CDH8: variants seen among roughly 807,000 people sequenced by gnomAD.
CDH8 encodes cadherin 8, also known as cadherin-8.
A neutral mutation model predicts 68.1 loss-of-function variants in CDH8; 17 were observed. The ratio of observed to expected loss-of-function variants is 0.25; its 90% confidence interval spans 0.17 to 0.37. The LOEUF is 0.37. Ranked by LOEUF, CDH8 falls within the 10% of genes least tolerant of loss-of-function variation. The probability of loss-of-function intolerance (pLI) is 1.00; values close to 1 mark genes in which losing one functional copy is unlikely to be tolerated. For missense variants in CDH8, 763 were observed against 999.3 expected (o/e 0.76, Z 3.19); for synonymous variants, 372 against 365.1 (o/e 1.02, Z -0.21).
chr16:61,747,248 T>C (rs1960046761), intron 8 of CDH8, among the ~76,000 whole-genome samples: 1 of 152,102 alleles, frequency 6.6e-6, no homozygotes, highest in Admixed American at 6.6e-5. Flanking sequence ...AATATGCAAA[T>C]CTGCAAGGAA....
intron 7 of CDH8, among the ~76,000 whole-genome samples, chr16:61,797,830 C>T: frequency 6.6e-6 from 1 of 152,126 alleles, no homozygotes; most frequent in Non-Finnish European, 1.5e-5. Context: ...AGCAAATTCA[C>T]TCAACACGAT....
At chr16:61,666,046 T>C (rs1963669837) in intron 10 of CDH8, among the ~76,000 whole-genome samples, 1 of 151,922 alleles carries the variant, frequency 6.6e-6, no homozygotes, top group African/African-American at 2.4e-5. Context: ...ATGAAATCTT[T>C]CTCTGTCCCT....
At chr16:61,874,502 T>A (rs1162207512) in intron 3 of CDH8, among the ~76,000 whole-genome samples, 1 of 151,938 alleles carries the variant, frequency 6.6e-6, no homozygotes, top group Admixed American at 6.6e-5. Context: ...CAGCTAATTT[T>A]TTGTATTTTC....
intron 8 of CDH8, among the ~76,000 whole-genome samples, chr16:61,742,886 C>A (rs1185581247): frequency 6.6e-6 from 1 of 152,066 alleles, no homozygotes; most frequent in Non-Finnish European, 1.5e-5. Flanking sequence ...TTCATTTGAG[C>A]ATGAGAACTT....
At chr16:61,737,094 T>C (rs980567145) in intron 8 of CDH8, among the ~76,000 whole-genome samples, 6 of 152,164 alleles carry the variant, frequency 3.9e-5, no homozygotes, top group Non-Finnish European at 5.9e-5. Flanking sequence ...CATACCCTCA[T>C]GAATTGCCCA....
At chr16:61,922,198 C>A (rs970804412) in intron 2 of CDH8, among the ~76,000 whole-genome samples, 1 of 152,092 alleles carries the variant, frequency 6.6e-6, no homozygotes. Context: ...CAGAAAGAAT[C>A]CAGGCCTTTG....
At chr16:61,661,047 T>C (rs1359509333) in intron 10 of CDH8, among the ~76,000 whole-genome samples, 4 of 152,016 alleles carry the variant, frequency 2.6e-5, no homozygotes, top group Non-Finnish European at 5.9e-5. Context: ...GCATAGTTTT[T>C]CTCCTTTTTT....
intron 4 of CDH8, among the ~76,000 whole-genome samples, chr16:61,833,769 T>G (rs1962511525): frequency 6.6e-6 from 1 of 151,964 alleles, no homozygotes; most frequent in African/African-American, 2.4e-5. Flanking sequence ...TACTCTTTAC[T>G]GGATCTCTTA....
Position 61,675,399 on chromosome 16 carries a change from T to C in CDH8, c.1655-19678A>G, listed in dbSNP as rs1963882528. 3.0e-5 allele frequency among the ~76,000 whole-genome samples: 4 copies of C among 132,344 alleles called. No individual in the cohort carries two copies. The South Asian group carries it at 7.1e-4, about 24-fold the overall frequency. The allele number at this position is 132,344 out of a possible 152,430, so 86.8% of individuals were successfully genotyped here. A position where few individuals can be genotyped will look rare whatever the true frequency, so the allele number is the denominator to read the frequency against. On this transcript the variant is annotated intron_variant, in intron 10 of 11. Transcript: ENST00000577390. ...TCACTCATAGGTGGGAATTGAACAA[T>C]GAGATCACATGGACACATGAAGGGG...
intron 2 of CDH8, among the ~76,000 whole-genome samples, chr16:61,948,865 G>A: frequency 6.6e-6 from 1 of 152,218 alleles, no homozygotes; most frequent in Admixed American, 6.5e-5. Flanking sequence ...CGACATCAGT[G>A]GGTCACACAA....
chr16:61,844,490 C>T (rs1332181090), intron 4 of CDH8, among the ~76,000 whole-genome samples: 1 of 152,094 alleles, frequency 6.6e-6, no homozygotes, highest in Admixed American at 6.6e-5. Context: ...TTTCCTTCAG[C>T]GAATTTTTCA....
chr16:61,742,790 T>C (rs921524134), intron 8 of CDH8, among the ~76,000 whole-genome samples: 1 of 152,170 alleles, frequency 6.6e-6, no homozygotes, highest in African/African-American at 2.4e-5. Context: ...CATCAGGTTT[T>C]AGCATTAAGA....
intron 8 of CDH8, among the ~76,000 whole-genome samples, chr16:61,779,423 TTATG>T (rs1406737635): frequency 1.6e-5 from 1 of 64,032 alleles, no homozygotes; most frequent in African/African-American, 5.3e-5. Flanking sequence ...TAATGTTCGT[TTATG>T]TGTGTGTGTG....
intron 8 of CDH8, among the ~76,000 whole-genome samples, chr16:61,734,337 G>A (rs1228196170): frequency 6.6e-6 from 1 of 152,086 alleles, no homozygotes; most frequent in Non-Finnish European, 1.5e-5. Flanking sequence ...TATCAACCTT[G>A]CTGGGGGGAA....
At chr16:61,852,566 A>G (rs1234388455) in intron 4 of CDH8, among the ~76,000 whole-genome samples, 1 of 152,098 alleles carries the variant, frequency 6.6e-6, no homozygotes, top group Non-Finnish European at 1.5e-5. Flanking sequence ...CTTAAAACAT[A>G]GTATGAGATT....
chr16:62,013,601 T>C (rs1440472520), intron 2 of CDH8, among the ~76,000 whole-genome samples: 1 of 152,224 alleles, frequency 6.6e-6, no homozygotes, highest in African/African-American at 2.4e-5. Context: ...ACACATTTTA[T>C]ATCTTGCCTT....
intron 10 of CDH8, among the ~76,000 whole-genome samples, chr16:61,672,138 G>A (rs1963810006): frequency 6.6e-6 from 1 of 151,924 alleles, no homozygotes; most frequent in Non-Finnish European, 1.5e-5. Context: ...ATCCCTAGTT[G>A]ATAATGGATG....
intron 2 of CDH8, among the ~76,000 whole-genome samples, chr16:61,953,924 TATAA>T (rs1287004108): frequency 4.7e-5 from 6 of 127,530 alleles, no homozygotes; most frequent in Admixed American, 2.3e-4. Flanking sequence ...TATATATATA[TATAA>T]AATACCTTAA....
At position 61,822,205 on chromosome 16, in the gene CDH8, C is replaced by CTTTTTTTTT. The variant is rs71707137; in HGVS notation, c.836-1101_836-1093dup. ...TGTAGTAACTGGCTCAAAAACGCACCTTTTTTTTTTTTTTTTTTTTTTTTT... is the reference window on the plus strand; with the variant it reads ...TGTAGTAACTGGCTCAAAAACGCACCTTTTTTTTTTTTTTTTTTTTTTTTTTTTTTTTTT... On this transcript the variant is annotated intron_variant, in intron 5 of 11. Coordinates refer to ENST00000577390, the MANE Select transcript of CDH8 (RefSeq NM_001796.5). 4.2e-4 allele frequency among the ~76,000 whole-genome samples: 19 copies of CTTTTTTTTT among 45,642 alleles called. 3 individuals are homozygous for CTTTTTTTTT. Among genetic ancestry groups the CTTTTTTTTT allele is most frequent in the East Asian group, 8.1e-4 (1 of 1,236 alleles). 29.9% of individuals were successfully genotyped at this position (45,642 alleles called of 152,430 possible).
Sources: allele counts gnomAD v4.1 joint callset (sites outside exome capture counted in the v4.1 genomes callset), GRCh38; gene constraint gnomAD v4.1.1; transcripts MANE v1.5; gene names NCBI Gene and HGNC (gene_info 2026-07-23, HGNC 2026-07-21).